DMD: variants seen among roughly 807,000 people sequenced by gnomAD.
The protein encoded by DMD is mutant dystrophin.
DMD carries 63 observed loss-of-function variants against 330.1 expected under a neutral mutation model. The observed-to-expected ratio is 0.19, with a 90% confidence interval of 0.16 to 0.24. DMD has a LOEUF of 0.24. DMD is among the 10% of genes least tolerant of loss of function. The pLI is 1.00. For missense variants in DMD, 3,344 were observed against 2,684.1 expected (o/e 1.25, Z -5.43); for synonymous variants, 1,223 against 959.8 (o/e 1.27, Z -5.07).
chrX:32,278,527 C>T (rs770153412), intron 43 of DMD, among the ~76,000 whole-genome samples: 12 of 111,023 alleles, frequency 1.1e-4, no homozygotes, highest in Admixed American at 1.1e-3. Flanking sequence ...CTCAAACAAA[C>T]GTACAAGAAA....
intron 1 of DMD, among the ~76,000 whole-genome samples, chrX:33,037,112 C>T (rs917449965): frequency 2.7e-5 from 3 of 111,715 alleles, no homozygotes; most frequent in South Asian, 7.3e-4. Context: ...TTAGAATAAA[C>T]GTATCCTTTG....
intron 1 of DMD, among the ~76,000 whole-genome samples, chrX:33,052,857 T>A (rs1378322105): frequency 2.4e-5 from 2 of 84,893 alleles, no homozygotes; most frequent in African/African-American, 7.2e-5. Context: ...CTTAAGGTAA[T>A]AGATGCCCCA....
chrX:31,849,006 G>A (rs1172629713), intron 48 of DMD, among the ~76,000 whole-genome samples: 2 of 110,632 alleles, frequency 1.8e-5, no homozygotes, highest in Non-Finnish European at 3.8e-5. Context: ...GATTGTGTGT[G>A]CGTGTGTTTA....
chrX:32,311,595 T>C lies in DMD; in HGVS notation c.5923-1319A>G, dbSNP rs966274248. 4.5e-5 allele frequency among the ~76,000 whole-genome samples: 5 copies of C among 111,679 alleles called. No homozygotes were observed. In the East Asian group the frequency reaches 1.1e-3, roughly 25 times the overall value. ...CTTTTACAACATTTGTTTTATTGTG[T>C]ATATCTGGGCCAAATCCATGGCACA... On this transcript the variant is annotated intron_variant, in intron 41 of 78. Transcript: ENST00000357033.
At chrX:31,456,890 ATT>A (rs2066223326) in intron 59 of DMD, among the ~76,000 whole-genome samples, 1 of 101,910 alleles carries the variant, frequency 9.8e-6, no homozygotes, top group African/African-American at 3.6e-5. Flanking sequence ...ATATATATAT[ATT>A]ATATACCTAT....
At chrX:32,140,300 T>C (rs916457186) in intron 44 of DMD, among the ~76,000 whole-genome samples, 1 of 112,261 alleles carries the variant, frequency 8.9e-6, no homozygotes, top group Admixed American at 9.5e-5. Flanking sequence ...TTATAACATA[T>C]TGATTTTTAA....
At chrX:32,250,491 T>C (rs1426279674) in intron 43 of DMD, among the ~76,000 whole-genome samples, 1 of 112,148 alleles carries the variant, frequency 8.9e-6, no homozygotes, top group African/African-American at 3.2e-5. Context: ...CTCCTGCTTA[T>C]CGTATTCCTA....
rs764330616 is a variant in DMD at position 31,774,105 on chromosome X, A to G, written c.7397T>C (p.Met2466Thr). 53 of 1,208,880 alleles carry G rather than the reference A, an allele frequency of 4.4e-5. No homozygotes were observed. In the South Asian group the frequency reaches 6.5e-4, roughly 15 times the overall value. Residue 2466 changes from methionine to threonine, a missense_variant, in exon 51 of 79, where the codon ATG (methionine) becomes ACG (threonine). Coordinates refer to ENST00000357033, the MANE Select transcript of DMD (RefSeq NM_004006.3). ...ATCTGCCAGAGCAGGTACCTCCAAC[A>G]TCAAGGAAGATGGCATTTCTAGTTT... ...ISKLEMPSSLMLEVPALADFN... is the reference protein window; with the variant it reads ...ISKLEMPSSLTLEVPALADFN...
intron 2 of DMD, among the ~76,000 whole-genome samples, chrX:32,998,939 T>C (rs1192230086): frequency 8.9e-6 from 1 of 111,989 alleles, no homozygotes; most frequent in Non-Finnish European, 1.9e-5. Context: ...CTATAGTTTA[T>C]AGGCTAATAA....
chrX:32,783,219 TACGTGTATACGTATATAC>T (rs2075005223), intron 7 of DMD, among the ~76,000 whole-genome samples: 1 of 98,335 alleles, frequency 1.0e-5, no homozygotes, highest in Non-Finnish European at 2.1e-5. Flanking sequence ...TATGTGTATA[TACGTGTATACGTATATAC>T]ACATATGTGT....
intron 51 of DMD, among the ~76,000 whole-genome samples, chrX:31,760,454 C>T (rs2089483543): frequency 8.9e-6 from 1 of 111,804 alleles, no homozygotes; most frequent in Non-Finnish European, 1.9e-5. Flanking sequence ...TTTTCTGTAA[C>T]TTTTCTATGT....
intron 17 of DMD, among the ~76,000 whole-genome samples, chrX:32,535,429 C>A (rs1241831567): frequency 8.9e-6 from 1 of 111,850 alleles, no homozygotes; most frequent in East Asian, 2.8e-4. Flanking sequence ...TCTCCAACTA[C>A]CTTGGGTGGC....
At chrX:32,621,482 C>A (rs1359668201) in intron 11 of DMD, among the ~76,000 whole-genome samples, 2 of 100,340 alleles carry the variant, frequency 2.0e-5, no homozygotes, top group Non-Finnish European at 3.8e-5. Context: ...AGTGTTTTAT[C>A]TTCTTTTTTT....
At chrX:31,346,717 AAGG>A (rs1481195254) in intron 61 of DMD, among the ~76,000 whole-genome samples, 1 of 110,398 alleles carries the variant, frequency 9.1e-6, no homozygotes. Flanking sequence ...TCAAGAACAA[AAGG>A]AGAATACAAG....
intron 62 of DMD, among the ~76,000 whole-genome samples, chrX:31,271,291 G>T (rs1408297213): frequency 1.8e-5 from 2 of 111,602 alleles, no homozygotes; most frequent in Non-Finnish European, 3.8e-5. Context: ...TTGGACATCT[G>T]AGTCTTGAGC....
intron 55 of DMD, among the ~76,000 whole-genome samples, chrX:31,613,391 T>G (rs903605179): frequency 9.0e-6 from 1 of 111,224 alleles, no homozygotes; most frequent in Non-Finnish European, 1.9e-5. Flanking sequence ...GAGGTCCACA[T>G]GAAGAAAAAC....
intron 57 of DMD, among the ~76,000 whole-genome samples, chrX:31,492,834 A>G (rs1164921800): frequency 1.0e-5 from 1 of 99,864 alleles, no homozygotes; most frequent in Non-Finnish European, 2.0e-5. Flanking sequence ...ATGAAAACAT[A>G]TGGACACAGG....
chrX:31,280,631 A>G (rs771325838), intron 62 of DMD, among the ~76,000 whole-genome samples: 1 of 112,353 alleles, frequency 8.9e-6, no homozygotes, highest in African/African-American at 3.2e-5. Flanking sequence ...ATTTTTTTAA[A>G]AAAGCGTTTG....
At chrX:31,832,079 G>A (rs2093060516) in intron 49 of DMD, among the ~76,000 whole-genome samples, 1 of 111,745 alleles carries the variant, frequency 8.9e-6, no homozygotes, top group Admixed American at 9.5e-5. Context: ...CATTTCAGGG[G>A]ACAATTTTTG....
Sources: allele counts gnomAD v4.1 joint callset (sites outside exome capture counted in the v4.1 genomes callset), GRCh38; gene constraint gnomAD v4.1.1; transcripts MANE v1.5; gene names NCBI Gene and HGNC (gene_info 2026-07-23, HGNC 2026-07-21).